The following CIMAP2 variants were observed in gnomAD, a reference collection of about 807,000 sequenced individuals.
CIMAP2 encodes the protein ciliary microtubule associated protein 2, also known as ciliary microtubule-associated protein 2.
the CIMAP2 span, among the ~76,000 whole-genome samples, chr1:54,827,327 C>A: frequency 1.3e-5 from 2 of 152,192 alleles, no homozygotes; most frequent in East Asian, 3.9e-4. Flanking sequence ...CAGGGCCACT[C>A]CTCTCAGCTG....
the CIMAP2 span, chr1:54,817,269 C>T: frequency 2.3e-5 from 26 of 1,127,270 alleles, no homozygotes; most frequent in African/African-American, 1.1e-4. Flanking sequence ...AGTGGAGGGA[C>T]GTTCACGTTC....
At chr1:54,841,760 A>C in the CIMAP2 span, 1 of 1,603,212 alleles carries the variant, frequency 6.2e-7, no homozygotes, top group Non-Finnish European at 8.5e-7. Flanking sequence ...CTCCCTTCCA[A>C]GGGATCACTT....
At chr1:54,816,865 T>C in the CIMAP2 span, 8 of 1,318,806 alleles carry the variant, frequency 6.1e-6, no homozygotes, top group Non-Finnish European at 8.3e-6. Context: ...AACATATCTT[T>C]TTGGGAGACA....
chr1:54,810,655 G>A, the CIMAP2 span, among the ~76,000 whole-genome samples: 2 of 152,184 alleles, frequency 1.3e-5, no homozygotes, highest in Non-Finnish European at 2.9e-5. Flanking sequence ...CAGTGACCCC[G>A]CATGGCTAAA....
At chr1:54,817,080 C>A in the CIMAP2 span, 1 of 1,614,190 alleles carries the variant, frequency 6.2e-7, no homozygotes, top group Non-Finnish European at 8.5e-7. Flanking sequence ...CTGAGTGGAT[C>A]CAAACGCTAC....
the CIMAP2 span, chr1:54,806,126 A>G: frequency 6.5e-7 from 1 of 1,540,360 alleles, no homozygotes; most frequent in Non-Finnish European, 8.7e-7. Context: ...CATGAGGGAA[A>G]GCCAGGATGC....
chr1:54,806,170 C>T, the CIMAP2 span: 58 of 1,552,398 alleles, frequency 3.7e-5, no homozygotes, highest in Admixed American at 7.1e-4. Flanking sequence ...GCGTCGGCTC[C>T]ACGGCCACCA....
At chr1:54,814,761 C>T in the CIMAP2 span, among the ~76,000 whole-genome samples, 1 of 152,324 alleles carries the variant, frequency 6.6e-6, no homozygotes, top group Admixed American at 6.5e-5. Context: ...GGCCCCTTTG[C>T]CGGGAGATAG....
the CIMAP2 span, among the ~76,000 whole-genome samples, chr1:54,820,799 C>T: frequency 0.027 from 4,093 of 152,152 alleles, 163 homozygotes; most frequent in African/African-American, 0.083. Context: ...GATGGAGTTT[C>T]GCTCTGTCAC....
chr1:54,813,750 G>C, the CIMAP2 span: 2,140 of 1,500,662 alleles, frequency 1.4e-3, 33 homozygotes, highest in African/African-American at 0.027. Context: ...TTGCGGGGGA[G>C]GGTTGAGAAA....
chr1:54,811,765 G>GCCGGGGGGGGGGCGGCCC, the CIMAP2 span: 1 of 1,301,332 alleles, frequency 7.7e-7, no homozygotes, highest in Non-Finnish European at 1.1e-6. Context: ...GGTTCTGACA[G>GCCGGGGGGGGGGCGGCCC]CCTCCATGCC....
the CIMAP2 span, chr1:54,807,921 C>G: frequency 1.9e-6 from 3 of 1,607,734 alleles, no homozygotes; most frequent in African/African-American, 4.0e-5. Context: ...CCTACAACCT[C>G]AAAGACTTCT....
the CIMAP2 span, chr1:54,813,817 A>T: frequency 1.9e-6 from 3 of 1,587,476 alleles, no homozygotes; most frequent in Non-Finnish European, 2.6e-6. Flanking sequence ...TTCTTAGAAA[A>T]AAAAGCCCAG....
the CIMAP2 span, among the ~76,000 whole-genome samples, chr1:54,832,488 T>C: frequency 1.3e-5 from 2 of 152,206 alleles, no homozygotes; most frequent in Non-Finnish European, 2.9e-5. Flanking sequence ...AGCACTCTTC[T>C]AAATAGCTCT....
the CIMAP2 span, among the ~76,000 whole-genome samples, chr1:54,830,138 C>T: frequency 6.6e-6 from 1 of 152,156 alleles, no homozygotes; most frequent in Admixed American, 6.5e-5. This position sits in a 1 kb window ranked among gnomAD's most constrained non-coding sequence, Gnocchi z 4.1. Context: ...GCTCTAGGAT[C>T]TAAGTGGAAG....
chr1:54,807,725 G>A, the CIMAP2 span: 1 of 1,547,192 alleles, frequency 6.5e-7, no homozygotes, highest in Non-Finnish European at 8.7e-7. Context: ...TCCCTCTCTG[G>A]TGCCAGGTCT....
chr1:54,806,382 G>A, the CIMAP2 span, among the ~76,000 whole-genome samples: 1 of 152,188 alleles, frequency 6.6e-6, no homozygotes, highest in Non-Finnish European at 1.5e-5. Flanking sequence ...GTGAGGAGGG[G>A]CTGGGCTTTC....
chr1:54,811,765 G>GCCGGGGGGGGGGGGGGCCCCCCCC, the CIMAP2 span: 17 of 1,301,296 alleles, frequency 1.3e-5, no homozygotes, highest in East Asian at 5.0e-5. Context: ...GGTTCTGACA[G>GCCGGGGGGGGGGGGGGCCCCCCCC]CCTCCATGCC....
the CIMAP2 span, among the ~76,000 whole-genome samples, chr1:54,823,236 A>G: frequency 1.3e-5 from 2 of 152,122 alleles, no homozygotes; most frequent in Non-Finnish European, 2.9e-5. Context: ...TGCCTTATGT[A>G]TCTAAGTGCT....
Sources: allele counts gnomAD v4.1 joint callset (sites outside exome capture counted in the v4.1 genomes callset), GRCh38; gene constraint gnomAD v4.1.1; non-coding constraint Gnocchi (gnomAD v3.1); transcripts MANE v1.5; gene names NCBI Gene and HGNC (gene_info 2026-07-23, HGNC 2026-07-21).